The following GNL3L variants were observed in gnomAD, a reference collection of about 807,000 sequenced individuals.
The protein encoded by GNL3L is G protein nucleolar 3 like.
GNL3L carries 4 observed loss-of-function variants against 42.9 expected under a neutral mutation model. The observed-to-expected ratio is 0.09, with a 90% confidence interval of 0.05 to 0.21. The LOEUF is 0.21. Among genes scored for constraint, GNL3L ranks in the 10% least tolerant of loss-of-function variants. The pLI is 1.00. For missense variants in GNL3L, 412 were observed against 481.7 expected, an observed-to-expected ratio of 0.86 and a Z score of 1.36; for synonymous variants, 159 against 176.3, an observed-to-expected ratio of 0.90 and a Z score of 0.78.
downstream of GNL3L, among the ~76,000 whole-genome samples, chrX:54,567,573 G>A (rs1327462850): frequency 2.8e-5 from 3 of 105,362 alleles, no homozygotes; most frequent in Non-Finnish European, 3.9e-5. Context: ...TTGAACCCAG[G>A]AGGCAGAGGT....
chrX:54,612,047 GCTGT>G (rs1443623146), intron 16 of GNL3L, among the ~76,000 whole-genome samples: 1 of 111,766 alleles, frequency 8.9e-6, no homozygotes, highest in South Asian at 3.7e-4. Flanking sequence ...ATTATTTGTT[GCTGT>G]CTATCTCATT....
At chrX:54,640,308 G>A in the GNL3L span, among the ~76,000 whole-genome samples, 7 of 111,437 alleles carry the variant, frequency 6.3e-5, no homozygotes, top group African/African-American at 2.3e-4. Context: ...ACCCATACAT[G>A]ACATAAAGTT....
intron 14 of GNL3L, among the ~76,000 whole-genome samples, chrX:54,556,269 G>A (rs1260649582): frequency 9.0e-6 from 1 of 111,029 alleles, no homozygotes; most frequent in Non-Finnish European, 1.9e-5. Flanking sequence ...GAAGGTGAAG[G>A]GGAAGCAGGC....
chrX:54,558,584 C>G lies in GNL3L; in HGVS notation c.1595C>G (p.Thr532Arg). 1 of 1,210,007 alleles carries G rather than the reference C, an allele frequency of 8.3e-7. No individual in the cohort carries two copies. Among genetic ancestry groups the G allele is most frequent in the Non-Finnish European group, 1.1e-6 (1 of 894,160 alleles). ...RRSVLQRIMETDPLQQGQALA... is the reference protein window; with the variant it reads ...RRSVLQRIMERDPLQQGQALA... Reference sequence around the variant, plus strand: ...TCAGTGCTGCAGAGGATCATGGAGACGGACCCCCTGCAACAGGGCCAGGCT... The same window carrying G: ...TCAGTGCTGCAGAGGATCATGGAGAGGGACCCCCTGCAACAGGGCCAGGCT... The change falls in exon 15 of 16, where the codon ACG becomes AGG. Residue 532 changes from threonine to arginine, a missense_variant. By Grantham distance (71) the Thr-to-Arg change is moderately conservative. Transcript: ENST00000360845.
At chrX:54,544,697 C>T (rs1407651732) in intron 8 of GNL3L, among the ~76,000 whole-genome samples, 3 of 109,804 alleles carry the variant, frequency 2.7e-5, no homozygotes, top group African/African-American at 9.9e-5. Flanking sequence ...AGGCTGGTCT[C>T]GAACTCCTGA....
At chrX:54,591,003 G>A (rs1373716808) in intron 16 of GNL3L, among the ~76,000 whole-genome samples, 2 of 109,588 alleles carry the variant, frequency 1.8e-5, no homozygotes, top group Non-Finnish European at 3.8e-5. Context: ...GCAGATTTTT[G>A]TATTTTTAGT....
In GNL3L at chrX:54,560,655, G is replaced by A. The variant is rs183419301; in HGVS notation, c.*53G>A. ...CAAGCACCAGTTCCGGTGGTACGGG[G>A]GAATACCAGTGAAATAGTTTGGTTC... On this transcript the variant is annotated 3_prime_UTR_variant, in exon 16 of 16. Transcript: ENST00000360845. 5.4e-5 allele frequency: 38 copies of A among 705,663 alleles called. 1 individual carries two copies. The Admixed American group carries it at 6.8e-4, about 13-fold the overall frequency. 58.2% of individuals were successfully genotyped at this position (705,663 alleles called of 1,213,427 possible).
rs542344759 is a variant in GNL3L, at chrX:54,556,591, G to A, written c.1447-1845G>A. Among the ~76,000 whole-genome samples, 17 of 111,071 alleles carry A rather than the reference G, an allele frequency of 1.5e-4. No homozygotes were observed. In the South Asian group the frequency reaches 2.3e-3, roughly 15 times the overall value. ...TCCAGGACCCAGCCATGTCAGCCAG[G>A]CTGGTCTCGAACTCCTGACCCTAAG... is the stretch of plus-strand genomic sequence containing the variant. On this transcript the variant is annotated intron_variant, in intron 14 of 15. Transcript: ENST00000360845.
chrX:54,629,774 T>C, the GNL3L span, among the ~76,000 whole-genome samples: 3 of 111,777 alleles, frequency 2.7e-5, no homozygotes, highest in African/African-American at 9.7e-5. Flanking sequence ...ACTGGCTTCA[T>C]AGAATGATTT....
chrX:54,613,307 T>C (rs1926183520), intron 16 of GNL3L, among the ~76,000 whole-genome samples: 1 of 111,983 alleles, frequency 8.9e-6, no homozygotes, highest in South Asian at 3.7e-4. Context: ...TTAAGCTATC[T>C]ATTTCTTTGA....
chrX:54,546,617 A>ATT (rs1924780223), intron 8 of GNL3L, among the ~76,000 whole-genome samples: 1 of 111,816 alleles, frequency 8.9e-6, no homozygotes, highest in African/African-American at 3.3e-5. Context: ...ATGATACCTT[A>ATT]TTTACATTTT....
chrX:54,593,437 T>A (rs1196148451), intron 16 of GNL3L, among the ~76,000 whole-genome samples: 2 of 111,686 alleles, frequency 1.8e-5, no homozygotes, highest in Non-Finnish European at 3.8e-5. Context: ...TCACTAATGA[T>A]CCTTTGAATT....
chrX:54,586,689 T>C (rs1017050427), intron 16 of GNL3L, among the ~76,000 whole-genome samples: 5 of 112,421 alleles, frequency 4.4e-5, no homozygotes, highest in African/African-American at 1.6e-4. Flanking sequence ...CTGAGCATTC[T>C]GCCAACGGCC....
chrX:54,565,672 G>A lies in GNL3L; in HGVS notation c.*5070G>A, dbSNP rs914966356. ...ATTAAGTATGTGGTGGTATCTCATC[G>A]TTTTTATTTGCATCCTCTAATGATT... is the stretch of plus-strand genomic sequence containing the variant. On this transcript the variant is annotated 3_prime_UTR_variant, in exon 16 of 16. Transcript: ENST00000360845. Among the ~76,000 whole-genome samples, 8 of 109,670 alleles carry A rather than the reference G, an allele frequency of 7.3e-5. No homozygotes were observed. Among genetic ancestry groups the A allele is most frequent in the Non-Finnish European group, 1.3e-4 (7 of 52,737 alleles).
At chrX:54,589,979 G>A (rs754887144) in intron 16 of GNL3L, among the ~76,000 whole-genome samples, 5 of 108,279 alleles carry the variant, frequency 4.6e-5, no homozygotes, top group Middle Eastern at 4.7e-3. Flanking sequence ...TTGCTCTGTC[G>A]CCCAGGCTGG....
At chrX:54,549,674 C>T (rs7066297) in intron 9 of GNL3L, among the ~76,000 whole-genome samples, 14,627 of 111,763 alleles carry the variant, frequency 0.13, 1,414 homozygotes, top group African/African-American at 0.34. Context: ...GAGATCGTGC[C>T]ACTGTTGAGA....
Position 54,551,418 on chromosome X carries a change from G to A in GNL3L, c.864-150G>A, listed in dbSNP as rs1601984322. 1.5e-5 allele frequency: 7 copies of A among 471,678 alleles called. No individual in the cohort carries two copies. In the East Asian group the frequency reaches 2.6e-4, roughly 17 times the overall value. The allele number at this position is 471,678 out of a possible 1,213,427, so 38.9% of individuals were successfully genotyped here. ...TCAGCCTCAAGTCTGTAGAGCCCCA[G>A]TCACCCCTCCTCCAACTCTACATCT... On this transcript the variant is annotated intron_variant, in intron 10 of 15. Transcript: ENST00000360845.
intron 16 of GNL3L, among the ~76,000 whole-genome samples, chrX:54,605,779 C>T (rs781704151): frequency 2.7e-5 from 3 of 111,131 alleles, no homozygotes; most frequent in Non-Finnish European, 5.6e-5. Context: ...ACTGCAATGC[C>T]TCCTCTGCTC....
At chrX:54,581,101 G>A (rs1207019942) in intron 16 of GNL3L, among the ~76,000 whole-genome samples, 2 of 111,990 alleles carry the variant, frequency 1.8e-5, no homozygotes, top group African/African-American at 6.5e-5. Context: ...ATTTTTAGAT[G>A]CAGTTGTACA....
Sources: gnomAD v4.1 joint callset for allele counts (sites outside exome capture counted in the v4.1 genomes callset) on GRCh38, gnomAD v4.1.1 for gene constraint, MANE v1.5 for transcripts, NCBI Gene and HGNC (gene_info 2026-07-23, HGNC 2026-07-21) for gene names.